Variants in KCNB2 observed in about 807,000 individuals in gnomAD.
KCNB2 encodes potassium voltage-gated channel subfamily B member 2.
Under a neutral mutation model 61.5 loss-of-function variants are expected in KCNB2, and 15 were observed. The observed-to-expected ratio is 0.24, with a 90% CI of 0.16 to 0.38. The LOEUF is 0.38. Ranked by LOEUF, KCNB2 falls within the 10% of genes least tolerant of loss-of-function variation. KCNB2 has a pLI of 1.00. For missense variants in KCNB2, 828 were observed against 1,125.2 expected (o/e 0.74, Z 3.78); for synonymous variants, 457 against 446.0 (o/e 1.02, Z -0.31).
intron 2 of KCNB2, among the ~76,000 whole-genome samples, chr8:72,662,376 G>A (rs1042811802): frequency 1.3e-5 from 2 of 152,150 alleles, no homozygotes; most frequent in Middle Eastern, 3.2e-3. Flanking sequence ...GGCCTCAGTG[G>A]GGCTGGGGAG....
At chr8:72,798,591 A>G (rs549078131) in intron 2 of KCNB2, among the ~76,000 whole-genome samples, 1 of 152,280 alleles carries the variant, frequency 6.6e-6, no homozygotes, top group East Asian at 1.9e-4. Flanking sequence ...ACACATACCA[A>G]TAGAGATGTT....
chr8:72,907,493 C>G (rs1033004599), intron 2 of KCNB2, among the ~76,000 whole-genome samples: 9 of 152,098 alleles, frequency 5.9e-5, no homozygotes, highest in African/African-American at 2.2e-4. Flanking sequence ...ATGGATGGAA[C>G]AGATAAAGTC....
chr8:72,763,337 C>G (rs948393368), intron 2 of KCNB2, among the ~76,000 whole-genome samples: 1 of 148,400 alleles, frequency 6.7e-6, no homozygotes, highest in Non-Finnish European at 1.5e-5. Context: ...TTTTTTTTAA[C>G]TCCCCCTCCT....
intron 2 of KCNB2, among the ~76,000 whole-genome samples, chr8:72,825,791 A>G (rs1013776271): frequency 1.3e-5 from 2 of 152,002 alleles, no homozygotes; most frequent in Non-Finnish European, 2.9e-5. Context: ...TATATTCTGG[A>G]TATCGGTCCC....
At chr8:72,596,642 A>G (rs1196511066) in intron 2 of KCNB2, among the ~76,000 whole-genome samples, 3 of 152,186 alleles carry the variant, frequency 2.0e-5, no homozygotes, top group Admixed American at 1.3e-4. Flanking sequence ...CATTTTACCT[A>G]ATTTCAAAGA....
intron 2 of KCNB2, among the ~76,000 whole-genome samples, chr8:72,728,048 T>C (rs1019876509): frequency 6.6e-6 from 1 of 152,122 alleles, no homozygotes. Context: ...GCAGTCTCCT[T>C]GTTGGGTAAC....
At chr8:72,746,885 G>T (rs1808081261) in intron 2 of KCNB2, among the ~76,000 whole-genome samples, 1 of 152,094 alleles carries the variant, frequency 6.6e-6, no homozygotes, top group African/African-American at 2.4e-5. Context: ...TTATTGTCTT[G>T]GCGCCTCAGT....
At chr8:72,762,778 T>C (rs1342400378) in intron 2 of KCNB2, among the ~76,000 whole-genome samples, 1 of 151,856 alleles carries the variant, frequency 6.6e-6, no homozygotes. Context: ...TAAAGCTCAA[T>C]AATTTGATGT....
intron 2 of KCNB2, among the ~76,000 whole-genome samples, chr8:72,628,378 A>G (rs989040664): frequency 6.8e-6 from 1 of 147,142 alleles, no homozygotes; most frequent in African/African-American, 2.5e-5. Flanking sequence ...GTCACTTATT[A>G]TGCAGATTTC....
At chr8:72,792,232 A>G (rs533127107) in intron 2 of KCNB2, among the ~76,000 whole-genome samples, 1 of 152,286 alleles carries the variant, frequency 6.6e-6, no homozygotes, top group Admixed American at 6.5e-5. Flanking sequence ...AGTTAAGCTA[A>G]CAAAACCCCT....
intron 2 of KCNB2, among the ~76,000 whole-genome samples, chr8:72,893,213 TAA>T (rs969162608): frequency 1.3e-4 from 19 of 151,636 alleles, no homozygotes; most frequent in Admixed American, 2.6e-4. Flanking sequence ...TTCTGCTTAT[TAA>T]AAAAAAATCA....
intron 2 of KCNB2, among the ~76,000 whole-genome samples, chr8:72,820,127 C>T (rs985129027): frequency 2.0e-5 from 3 of 152,144 alleles, no homozygotes; most frequent in Admixed American, 2.0e-4. Flanking sequence ...TCATCAACCG[C>T]TCATCCCCTT....
chr8:72,723,933 A>G (rs754964346), intron 2 of KCNB2, among the ~76,000 whole-genome samples: 24 of 152,330 alleles, frequency 1.6e-4, no homozygotes, highest in Admixed American at 2.6e-4. Context: ...CATTTCTACC[A>G]TGATCACTTC....
chr8:72,592,522 G>T (rs1466172785), intron 2 of KCNB2, among the ~76,000 whole-genome samples: 1 of 151,724 alleles, frequency 6.6e-6, no homozygotes, highest in East Asian at 1.9e-4. Flanking sequence ...AAATTATGTT[G>T]TCTTTGGGGC....
At chr8:72,819,887 T>G (rs1036550763) in intron 2 of KCNB2, among the ~76,000 whole-genome samples, 6 of 152,168 alleles carry the variant, frequency 3.9e-5, no homozygotes, top group Non-Finnish European at 5.9e-5. Context: ...GTCTAAAATC[T>G]AACACCTGTT....
chr8:72,566,752 A>C (rs1197891672), intron 1 of KCNB2, among the ~76,000 whole-genome samples: 1 of 151,876 alleles, frequency 6.6e-6, no homozygotes, highest in Non-Finnish European at 1.5e-5. Flanking sequence ...AGTCTAGGCA[A>C]GTAAGTGATG....
chr8:72,687,230 C>CA lies in KCNB2; in HGVS notation c.579+118919dup, dbSNP rs536683648. 3.9e-3 allele frequency among the ~76,000 whole-genome samples: 591 copies of CA among 152,266 alleles called. 3 individuals are homozygous for CA. Among genetic ancestry groups the CA allele is most frequent in the Admixed American group, 6.9e-3 (106 of 15,300 alleles). ...AGCAATTTTTAGAAACTCAGTTAAT[C>CA]AATACAGTGTTTTTCATGGTATTTT... is the stretch of plus-strand genomic sequence containing the variant. On this transcript the variant is annotated intron_variant, in intron 2 of 2. Transcript: ENST00000523207.
chr8:72,766,379 C>A (rs1310429100), intron 2 of KCNB2, among the ~76,000 whole-genome samples: 1 of 152,188 alleles, frequency 6.6e-6, no homozygotes, highest in Non-Finnish European at 1.5e-5. Context: ...CTATGTTCCA[C>A]AAGAGAATTT....
intron 2 of KCNB2, among the ~76,000 whole-genome samples, chr8:72,796,747 A>T (rs370613716): frequency 6.6e-6 from 1 of 152,220 alleles, no homozygotes; most frequent in African/African-American, 2.4e-5. Context: ...TCACAGAATA[A>T]ATAAGCCAAA....
Sources: gnomAD v4.1 joint callset for allele counts (sites outside exome capture counted in the v4.1 genomes callset) on GRCh38, gnomAD v4.1.1 for gene constraint, MANE v1.5 for transcripts, NCBI Gene and HGNC (gene_info 2026-07-23, HGNC 2026-07-21) for gene names.